The following ATG4C variants were observed in gnomAD, a reference collection of about 807,000 sequenced individuals.
ATG4C encodes the protein cysteine protease ATG4C.
ATG4C carries 56 observed loss-of-function variants against 57.6 expected under a neutral mutation model. That is an observed-to-expected ratio of 0.97 (90% CI 0.78 to 1.21). ATG4C has a LOEUF of 1.21. Ranked by LOEUF, ATG4C falls within the 50% of genes most tolerant of loss-of-function variation. ATG4C has a pLI of 0.00. For synonymous variants in ATG4C, 157 were observed against 174.1 expected, an observed-to-expected ratio of 0.90 and a Z score of 0.78; for missense variants, 595 against 529.8, an observed-to-expected ratio of 1.12 and a Z score of -1.21.
chr1:62,849,295 G>T (rs1027567317), intron 10 of ATG4C, among the ~76,000 whole-genome samples: 1 of 152,096 alleles, frequency 6.6e-6, no homozygotes, highest in East Asian at 1.9e-4. Flanking sequence ...AAGGGAAGAC[G>T]AAGAGCTTGC....
intron 10 of ATG4C, among the ~76,000 whole-genome samples, chr1:62,850,283 A>G (rs1427384986): frequency 6.6e-6 from 1 of 152,042 alleles, no homozygotes; most frequent in Non-Finnish European, 1.5e-5. Flanking sequence ...CACCACTCTC[A>G]TTATTACCCT....
chr1:62,801,888 G>A (rs772415384), intron 1 of ATG4C, among the ~76,000 whole-genome samples: 4 of 143,720 alleles, frequency 2.8e-5, no homozygotes, highest in Admixed American at 7.3e-5. Context: ...AACCGGGGAG[G>A]CGGAGCTTGC....
At position 62,829,191 on chromosome 1, in the gene ATG4C, C is replaced by G. The variant is rs757381542; in HGVS notation, c.933+15C>G. The G allele has an allele frequency of 6.2e-7, 1 of 1,610,542 alleles. No individual in the cohort carries two copies. On this transcript the variant is annotated intron_variant, in intron 7 of 10. Coordinates refer to ENST00000317868, the MANE Select transcript of ATG4C (RefSeq NM_032852.4). ...AATTTGTGAAGGTATGAAATAAGTG[C>G]TGAACTTTTTTAGGGCAATACTAGC...
chr1:62,837,386 A>G (rs569989971), intron 9 of ATG4C, among the ~76,000 whole-genome samples: 50 of 152,120 alleles, frequency 3.3e-4, no homozygotes, highest in African/African-American at 1.2e-3. Flanking sequence ...AGGGCACATT[A>G]TAATGTAGAA....
Position 62,816,779 on chromosome 1 carries a change from A to C in ATG4C, c.365A>C (p.Gln122Pro). The C allele has an allele frequency of 6.2e-7, 1 of 1,606,090 alleles. No individual in the cohort carries two copies. The highest frequency in any genetic ancestry group is 8.5e-7 in the Non-Finnish European group (1 of 1,175,712). ...AGAACTGGCCAGATGCTCTTGGCTC[A>C]AGGACTCATACTACACTTTCTTGGT... ...TLRTGQMLLA[Q>P]GLILHFLGRA... is the part of the protein sequence containing the mutation. The change falls in exon 4 of 11, where the codon CAA (glutamine) becomes CCA (proline). Residue 122 changes from glutamine (Q) to proline (P), a missense_variant. Physicochemically the swap from Gln to Pro is moderately conservative, Grantham distance 76. Transcript: ENST00000317868.
At chr1:62,850,854 G>GTATGTA (rs1553230151) in intron 10 of ATG4C, among the ~76,000 whole-genome samples, 19 of 84,142 alleles carry the variant, frequency 2.3e-4, no homozygotes, top group Non-Finnish European at 2.9e-4. Context: ...GTGTATGTAT[G>GTATGTA]TATATATATA....
intron 6 of ATG4C, among the ~76,000 whole-genome samples, chr1:62,825,205 C>T (rs1424829463): frequency 2.0e-5 from 3 of 148,980 alleles, no homozygotes; most frequent in Non-Finnish European, 4.4e-5. Flanking sequence ...CACTGCACTC[C>T]AGCCTGGGTG....
At chr1:62,846,335 T>C (rs1666325208) in intron 10 of ATG4C, among the ~76,000 whole-genome samples, 1 of 152,222 alleles carries the variant, frequency 6.6e-6, no homozygotes, top group Non-Finnish European at 1.5e-5. Context: ...TTCTTTAGTC[T>C]TCTTTGCCTG....
rs540800534 is a variant in ATG4C, at chr1:62,861,343, T to A, written c.1210-2649T>A. On this transcript the variant is annotated intron_variant, in intron 10 of 10. Transcript: ENST00000317868. ...GGCAGATCACTTGAGTTCAGGAGTT[T>A]GAGACCAGCCTGGGCAACATAGTGA... 1.6e-4 allele frequency among the ~76,000 whole-genome samples: 24 copies of A among 152,176 alleles called. No individual in the cohort carries two copies. In the South Asian group the frequency reaches 5.0e-3, roughly 32 times the overall value.
intron 1 of ATG4C, among the ~76,000 whole-genome samples, chr1:62,793,483 C>T (rs1664353140): frequency 6.6e-6 from 1 of 150,418 alleles, no homozygotes; most frequent in East Asian, 2.0e-4. Context: ...TGTGGTTGTG[C>T]CTGCCTGTAG....
chr1:62,820,707 C>T (rs1557974421), intron 5 of ATG4C, among the ~76,000 whole-genome samples: 1 of 151,894 alleles, frequency 6.6e-6, no homozygotes, highest in Non-Finnish European at 1.5e-5. Flanking sequence ...GGAAAAAAGT[C>T]ATGCTGTTGT....
chr1:62,788,970 TAA>T (rs1664177511), intron 1 of ATG4C, among the ~76,000 whole-genome samples: 1 of 152,230 alleles, frequency 6.6e-6, no homozygotes, highest in Non-Finnish European at 1.5e-5. Context: ...TATTGGTGAT[TAA>T]GTTTGATCAC....
chr1:62,803,214 T>C (rs781236217), intron 1 of ATG4C, among the ~76,000 whole-genome samples: 2 of 152,186 alleles, frequency 1.3e-5, no homozygotes, highest in Non-Finnish European at 2.9e-5. Context: ...AGGAAATGTC[T>C]TATTTAAAAA....
At chr1:62,802,696 G>C (rs778029635) in intron 1 of ATG4C, among the ~76,000 whole-genome samples, 1 of 152,120 alleles carries the variant, frequency 6.6e-6, no homozygotes, top group Non-Finnish European at 1.5e-5. Context: ...CTACAAGGCC[G>C]TTTGTGCTTT....
intron 6 of ATG4C, among the ~76,000 whole-genome samples, chr1:62,823,598 C>T (rs1665554994): frequency 6.6e-6 from 1 of 152,172 alleles, no homozygotes; most frequent in South Asian, 2.1e-4. Flanking sequence ...CCAATGACTG[C>T]CCATTAACTC....
At chr1:62,806,654 G>A (rs1472619139) in intron 3 of ATG4C, among the ~76,000 whole-genome samples, 1 of 152,108 alleles carries the variant, frequency 6.6e-6, no homozygotes, top group Non-Finnish European at 1.5e-5. Flanking sequence ...GAAAGGTGTG[G>A]GAGGAGGGGA....
Position 62,803,759 on chromosome 1 carries a change from G to C in ATG4C, c.-28G>C, listed in dbSNP as rs745531142. Reference sequence around the variant, plus strand: ...AAACTCTACAGAAGAATGCAATCAAGTGATGGCTTTTCCTTTAGAATTTGA... The same window carrying C: ...AAACTCTACAGAAGAATGCAATCAACTGATGGCTTTTCCTTTAGAATTTGA... On this transcript the variant is annotated 5_prime_UTR_variant, in exon 2 of 11. Transcript: ENST00000317868. The C allele has an allele frequency of 4.6e-6, 7 of 1,529,018 alleles. No homozygotes were observed. The highest frequency in any genetic ancestry group is 6.3e-6 in the Non-Finnish European group (7 of 1,118,656). 94.7% of individuals were successfully genotyped at this position (1,529,018 alleles called of 1,614,324 possible).
intron 6 of ATG4C, among the ~76,000 whole-genome samples, chr1:62,824,629 C>T (rs1384101409): frequency 6.6e-6 from 1 of 151,908 alleles, no homozygotes; most frequent in African/African-American, 2.4e-5. Context: ...GTCATACCCA[C>T]CATCATACCA....
At chr1:62,848,565 G>T (rs545136403) in intron 10 of ATG4C, among the ~76,000 whole-genome samples, 10 of 152,150 alleles carry the variant, frequency 6.6e-5, no homozygotes, top group Admixed American at 2.6e-4. Context: ...TTATAGAAAA[G>T]TTGTAAATAT....
Sources: allele counts gnomAD v4.1 joint callset (sites outside exome capture counted in the v4.1 genomes callset), GRCh38; gene constraint gnomAD v4.1.1; transcripts MANE v1.5; gene names NCBI Gene and HGNC (gene_info 2026-07-23, HGNC 2026-07-21).